Variants in ANKFN1 observed in about 807,000 individuals in gnomAD.
ANKFN1 encodes ankyrin repeat and fibronectin type III domain containing 1, also known as ankyrin repeat and fibronectin type-III domain-containing protein 1.
A neutral mutation model predicts 108.7 loss-of-function variants in ANKFN1; 74 were observed. That is an observed-to-expected ratio of 0.68 (90% CI 0.56 to 0.83). The LOEUF (loss-of-function observed/expected upper bound fraction) is 0.83. Ranked by LOEUF, ANKFN1 falls within the 40% of genes least tolerant of loss-of-function variation. The pLI, the probability that ANKFN1 is intolerant of heterozygous loss-of-function variation, is 0.00. For missense variants in ANKFN1, 1,505 were observed against 1,382.3 expected (o/e 1.09, Z -1.41); for synonymous variants, 547 against 516.2 (o/e 1.06, Z -0.81).
intron 3 of ANKFN1, among the ~76,000 whole-genome samples, chr17:56,320,000 A>C (rs1013538429): frequency 8.5e-5 from 13 of 152,174 alleles, no homozygotes; most frequent in South Asian, 6.2e-4. Flanking sequence ...CTTTGCAGAG[A>C]CCTGGGTCTG....
intron 8 of ANKFN1, among the ~76,000 whole-genome samples, chr17:56,421,920 T>C (rs376284368): frequency 3.3e-5 from 5 of 152,156 alleles, no homozygotes; most frequent in African/African-American, 1.2e-4. Context: ...AGGGGGGATA[T>C]AACCTTTTGC....
At chr17:56,313,471 T>C (rs763549978) in intron 3 of ANKFN1, among the ~76,000 whole-genome samples, 8 of 152,148 alleles carry the variant, frequency 5.3e-5, no homozygotes, top group African/African-American at 1.9e-4. Context: ...ACAGGTTCTT[T>C]TTCTGAGCCT....
rs369489281 is a variant in ANKFN1, at chr17:56,482,500, C to A, written c.2236C>A (p.Leu746Ile). 4 of 1,612,684 alleles carry A rather than the reference C, an allele frequency of 2.5e-6. No individual in the cohort carries two copies. In the African/African-American group the frequency reaches 5.3e-5, roughly 22 times the overall value. The stretch of plus-strand genomic sequence containing the variant: ...CACCCCACACTCAGGGTTTCTTAAC[C>A]TCCCTCTTCAGATGTTTGAACTTGG... ...PYTPHSGFLNLPLQMFELVHF... is the reference protein window; with the variant it reads ...PYTPHSGFLNIPLQMFELVHF... Residue 746 changes from leucine to isoleucine, a missense_variant, in exon 18 of 21, where the codon CTC becomes ATC. By Grantham distance (5) the Leu-to-Ile change is conservative. Transcript: ENST00000682825.
intron 3 of ANKFN1, among the ~76,000 whole-genome samples, chr17:56,260,400 CGGT>C (rs906727587): frequency 5.3e-5 from 8 of 150,666 alleles, no homozygotes; most frequent in South Asian, 4.3e-4. Context: ...TATTAAAAAT[CGGT>C]GGTGGTGGTG....
rs746334209 is a variant in ANKFN1 at position 56,153,520 on chromosome 17, C to T, written c.-81C>T. On this transcript the variant is annotated 5_prime_UTR_variant, in exon 1 of 21. Transcript: ENST00000682825. ...AGTCCTGTGTCTCTCATGGAGGCGT[C>T]TCTAACCAGGGTAGGAAAACAATAG... 2.5e-6 allele frequency: 4 copies of T among 1,614,140 alleles called. No individual in the cohort carries two copies. The highest frequency in any genetic ancestry group is 3.3e-5 in the Admixed American group (2 of 60,036).
intron 16 of ANKFN1, among the ~76,000 whole-genome samples, chr17:56,479,644 G>A (rs2050624674): frequency 6.6e-6 from 1 of 152,204 alleles, no homozygotes; most frequent in Admixed American, 6.5e-5. Flanking sequence ...TTGATGAAAA[G>A]CTCATGCCAC....
At position 56,513,930 on chromosome 17, in the gene ANKFN1, G is replaced by T. The variant is rs1428091084; in HGVS notation, c.*2661G>T. 1.3e-5 allele frequency among the ~76,000 whole-genome samples: 2 copies of T among 152,124 alleles called. No homozygotes were observed. The highest frequency in any genetic ancestry group is 2.9e-5 in the Non-Finnish European group (2 of 68,006). On this transcript the variant is annotated 3_prime_UTR_variant, in exon 21 of 21. Transcript: ENST00000682825. ...ACCTTCACTTTGCAATATTTTGTGAGCCCAGTTTAAATTAATACATTCTTG... is the reference window on the plus strand; with the variant it reads ...ACCTTCACTTTGCAATATTTTGTGATCCCAGTTTAAATTAATACATTCTTG...
At chr17:56,068,060 C>G (rs1244686321) in intron 4 of ANKFN1, among the ~76,000 whole-genome samples, 1 of 152,046 alleles carries the variant, frequency 6.6e-6, no homozygotes, top group Admixed American at 6.5e-5. Flanking sequence ...TTATTACTGC[C>G]CAAATATGCG....
At chr17:56,236,731 T>C (rs1469575473) in intron 3 of ANKFN1, among the ~76,000 whole-genome samples, 3 of 151,992 alleles carry the variant, frequency 2.0e-5, no homozygotes, top group Admixed American at 2.0e-4. Flanking sequence ...TACTATTAGG[T>C]TGGTGCAAAA....
At chr17:56,174,909 G>A (rs1163131040) in intron 1 of ANKFN1, among the ~76,000 whole-genome samples, 2 of 152,116 alleles carry the variant, frequency 1.3e-5, no homozygotes, top group Non-Finnish European at 2.9e-5. Flanking sequence ...GAGTCTAAAA[G>A]ATACATAAGC....
At position 56,215,525 on chromosome 17, in the gene ANKFN1, C is replaced by T. The variant is rs544001160; in HGVS notation, c.12+2846C>T. On this transcript the variant is annotated intron_variant, in intron 2 of 20. Coordinates refer to ENST00000682825, the MANE Select transcript of ANKFN1 (RefSeq NM_001370326.1). Reference sequence around the variant, plus strand: ...ACAGGAAGATGGAGGGGCATGGGCCCGAGAAGAAAGAATCTGATTGAGACA... The same window carrying T: ...ACAGGAAGATGGAGGGGCATGGGCCTGAGAAGAAAGAATCTGATTGAGACA... Among the ~76,000 whole-genome samples, 24 of 152,206 alleles carry T rather than the reference C, an allele frequency of 1.6e-4. 1 individual carries two copies. The highest frequency in any genetic ancestry group is 3.9e-4 in the African/African-American group (16 of 41,512).
chr17:56,392,307 T>C (rs1364971909), intron 8 of ANKFN1, among the ~76,000 whole-genome samples: 1 of 152,168 alleles, frequency 6.6e-6, no homozygotes, highest in Non-Finnish European at 1.5e-5. Flanking sequence ...AAAATGTCTC[T>C]GAATTAACAA....
intron 4 of ANKFN1, among the ~76,000 whole-genome samples, chr17:56,086,382 G>T (rs144717361): frequency 0.074 from 11,167 of 151,268 alleles, 823 homozygotes; most frequent in Admixed American, 0.15. Context: ...TCCAGCCTGG[G>T]CAACAAGAGC....
At chr17:56,234,729 C>T (rs1241892929) in intron 3 of ANKFN1, among the ~76,000 whole-genome samples, 1 of 152,114 alleles carries the variant, frequency 6.6e-6, no homozygotes, top group Non-Finnish European at 1.5e-5. Flanking sequence ...ATATGTACCA[C>T]ATTTTCTTTA....
intron 4 of ANKFN1, among the ~76,000 whole-genome samples, chr17:56,056,517 C>T (rs1286746122): frequency 6.6e-6 from 1 of 152,058 alleles, no homozygotes; most frequent in African/African-American, 2.4e-5. Context: ...AAATATAAAG[C>T]CCAGTGCCTA....
At chr17:56,270,914 C>T (rs1260528222) in intron 3 of ANKFN1, among the ~76,000 whole-genome samples, 2 of 152,186 alleles carry the variant, frequency 1.3e-5, no homozygotes, top group Admixed American at 6.5e-5. Flanking sequence ...AGTACCTCCA[C>T]CCTAACTTGC....
chr17:56,159,520 T>G (rs892536770), intron 1 of ANKFN1, among the ~76,000 whole-genome samples: 1 of 152,194 alleles, frequency 6.6e-6, no homozygotes, highest in African/African-American at 2.4e-5. Flanking sequence ...AGCATATATT[T>G]CCCCAGATAT....
At chr17:56,376,193 T>G (rs9897991) in intron 8 of ANKFN1, among the ~76,000 whole-genome samples, 113,742 of 151,970 alleles carry the variant, frequency 0.75, 42,766 homozygotes, top group East Asian at 0.96. Context: ...CCTGTCCCTC[T>G]GGGGAACTTC....
chr17:56,113,711 CATA>C (rs1250807395), intron 4 of ANKFN1, among the ~76,000 whole-genome samples: 1 of 152,148 alleles, frequency 6.6e-6, no homozygotes, highest in Non-Finnish European at 1.5e-5. Flanking sequence ...AATTGTTAAC[CATA>C]ATAATAGTAA....
Sources: allele counts gnomAD v4.1 joint callset (sites outside exome capture counted in the v4.1 genomes callset), GRCh38; gene constraint gnomAD v4.1.1; transcripts MANE v1.5; gene names NCBI Gene and HGNC (gene_info 2026-07-23, HGNC 2026-07-21).